Variants in DDX54 observed in about 807,000 individuals in gnomAD.
DDX54 encodes DEAD-box helicase 54.
A neutral mutation model predicts 105.5 loss-of-function variants in DDX54; 67 were observed. That is an observed-to-expected ratio of 0.64 (90% CI 0.52 to 0.78). The LOEUF (loss-of-function observed/expected upper bound fraction) is 0.78. Ranked by LOEUF, DDX54 falls within the 30% of genes least tolerant of loss-of-function variation. DDX54 has a pLI of 0.00. For synonymous variants in DDX54, 514 were observed against 509.9 expected (o/e 1.01, Z -0.11); for missense variants, 1,206 against 1,230.5 (o/e 0.98, Z 0.30).
In DDX54 at chr12:113,179,202, C is replaced by T. The variant is rs139285972; in HGVS notation, c.505G>A (p.Ala169Thr). ...TCTCGGGTCGGCGAGAGGATGAGGG[C>T]GCGGGCCCCGGTCTGGGCACTGTGG... ...KTHSAQTGAR[A>T]LILSPTRELA... Residue 169 changes from alanine (A) to threonine (T), a missense_variant, in exon 4 of 20, where the codon GCC becomes ACC. This residue lies in a region of DDX54 where 961 missense variants were observed against 1,019.1 expected (regional missense o/e 0.94). Coordinates refer to ENST00000306014, the MANE Select transcript of DDX54 (RefSeq NM_024072.4). The T allele has an allele frequency of 7.5e-5, 121 of 1,614,026 alleles. No homozygotes were observed. The African/African-American group carries it at 8.4e-4, about 11-fold the overall frequency.
Position 113,179,286 on chromosome 12 carries a change from G to C in DDX54, c.421C>G (p.Arg141Gly), listed in dbSNP as rs963481956. ...CAGGCTGTCTTGCCACTGCCCGTCC[G>C]GGCCATGGCCACCACGTCCTTGCCA... The part of the protein sequence containing the change: ...LDGKDVVAMA[R>G]TGSGKTACFL... The change falls in exon 4 of 20, where the codon CGG becomes GGG. Residue 141 changes from arginine to glycine, a missense_variant. Physicochemically the swap from Arg to Gly is moderately radical, Grantham distance 125. Around this residue, in one of 3 missense-constraint regions of DDX54, gnomAD observed 33 missense variants for 56.0 expected, o/e 0.59. Transcript: ENST00000306014. The C allele has an allele frequency of 1.2e-6, 2 of 1,613,942 alleles. No homozygotes were observed. The highest frequency in any genetic ancestry group is 1.7e-6 in the Non-Finnish European group (2 of 1,180,016).
rs1566090060 is a variant in DDX54, at chr12:113,157,548, G to A, written c.*1329C>T. The A allele has an allele frequency of 3.4e-6, 5 of 1,480,174 alleles. No homozygotes were observed. The highest frequency in any genetic ancestry group is 1.4e-5 in the African/African-American group (1 of 71,704). The allele number at this position is 1,480,174 out of a possible 1,614,324, so 91.7% of individuals were successfully genotyped here. On this transcript the variant is annotated 3_prime_UTR_variant, in exon 20 of 20. Transcript: ENST00000306014. ...GCCTCCCCCGCGTGTTGAGGGGTGG[G>A]GGCTGGACAGTGACTCTGGGGCTGG...
intron 3 of DDX54, among the ~76,000 whole-genome samples, chr12:113,179,591 GTCC>G (rs1242743283): frequency 6.6e-6 from 1 of 152,170 alleles, no homozygotes; most frequent in African/African-American, 2.4e-5. Context: ...CTCCCGTCTA[GTCC>G]TCCTCCTCAG....
At chr12:113,175,344 TG>T (rs2136322980) in intron 7 of DDX54, among the ~76,000 whole-genome samples, 187 bp from the exon 8 acceptor site, 1 of 152,338 alleles carries the variant, frequency 6.6e-6, no homozygotes, top group South Asian at 2.1e-4. Flanking sequence ...GAATCTGTCT[TG>T]GTCATGTTCT....
rs545127266 is a variant in DDX54, at chr12:113,163,562, C to G, written c.1939-288G>C. ...GGAGACCCAACTCCCCATTCCAGCTCCGCACCCCAGGCTATGTGACAGCCG... is the reference window on the plus strand; with the variant it reads ...GGAGACCCAACTCCCCATTCCAGCTGCGCACCCCAGGCTATGTGACAGCCG... On this transcript the variant is annotated intron_variant, in intron 15 of 19. Coordinates refer to ENST00000306014, the MANE Select transcript of DDX54 (RefSeq NM_024072.4). This position sits in a 1 kb window ranked among gnomAD's most constrained non-coding sequence, Gnocchi z 5.9. Among the ~76,000 whole-genome samples, 6 of 152,156 alleles carry G rather than the reference C, an allele frequency of 3.9e-5. No individual in the cohort carries two copies. The highest frequency in any genetic ancestry group is 7.3e-5 in the Non-Finnish European group (5 of 68,028).
chr12:113,179,814 C>T, intron 3 of DDX54, 121 bp downstream of exon 3: 2 of 1,203,218 alleles, frequency 1.7e-6, no homozygotes, highest in East Asian at 2.4e-5. Context: ...GCTGGGGCTT[C>T]AGCAGAGTAA....
chr12:113,185,460 C>G lies in DDX54; in HGVS notation c.-9G>C, dbSNP rs1382576814. 12 of 1,492,772 alleles carry G rather than the reference C, an allele frequency of 8.0e-6. No individual in the cohort carries two copies. The highest frequency in any genetic ancestry group is 1.1e-5 in the Non-Finnish European group (12 of 1,124,958). The allele number at this position is 1,492,772 out of a possible 1,614,324, so 92.5% of individuals were successfully genotyped here. A position where few individuals can be genotyped will look rare whatever the true frequency, so the allele number is the denominator to read the frequency against. On this transcript the variant is annotated 5_prime_UTR_variant, in exon 1 of 20. Coordinates refer to ENST00000306014, the MANE Select transcript of DDX54 (RefSeq NM_024072.4). ...CCCTTGTCGGCCGCCATTCGGGCCG[C>G]GCGCTGGGAACGCAGAAGGGGGCGT...
chr12:113,181,145 C>CT, intron 1 of DDX54, 87 bp from the exon 2 acceptor site: 1 of 1,456,484 alleles, frequency 6.9e-7, no homozygotes, highest in South Asian at 1.5e-5. Context: ...GTTGCCCTCT[C>CT]TCCCCCATTC....
At chr12:113,169,635 A>G (rs532698590) in intron 12 of DDX54, 135 bp downstream of exon 12, 16 of 1,193,418 alleles carry the variant, frequency 1.3e-5, no homozygotes, top group Admixed American at 2.8e-5. Context: ...AATAAACAAA[A>G]CAAATAAAAT....
intron 1 of DDX54, 79 bp from the exon 2 acceptor site, chr12:113,181,137 T>C: frequency 6.7e-7 from 1 of 1,494,026 alleles, no homozygotes; most frequent in Non-Finnish European, 8.9e-7. Context: ...CCTGTGCTGT[T>C]GCCCTCTCTC....
chr12:113,185,226 G>T, intron 1 of DDX54, 52 bp downstream of exon 1: 1 of 1,440,288 alleles, frequency 6.9e-7, no homozygotes. Flanking sequence ...TCGAGGCGCT[G>T]CCCGGAGCCG....
intron 5 of DDX54, chr12:113,177,307 T>A (rs1952415570): frequency 1.7e-6 from 1 of 575,140 alleles, no homozygotes; most frequent in East Asian, 2.8e-5. Flanking sequence ...AACAACAGAG[T>A]TCCTCTGAAG....
intron 12 of DDX54, among the ~76,000 whole-genome samples, chr12:113,166,504 C>T (rs1952278197): frequency 1.3e-5 from 2 of 152,044 alleles, no homozygotes; most frequent in African/African-American, 2.4e-5. Context: ...AATTGGAGAC[C>T]AGCCTGAGCA....
chr12:113,168,376 T>TG (rs1357349096), intron 12 of DDX54, among the ~76,000 whole-genome samples: 7 of 152,294 alleles, frequency 4.6e-5, no homozygotes, highest in East Asian at 1.9e-4. Flanking sequence ...CTTGGGCCTC[T>TG]GGGGGGGCCT....
chr12:113,179,880 G>C (rs1952445789), intron 3 of DDX54, 55 bp downstream of exon 3: 7 of 1,592,002 alleles, frequency 4.4e-6, no homozygotes, highest in Non-Finnish European at 5.2e-6. Context: ...GGGCCAGAGA[G>C]GAGGGCCATG....
intron 19 of DDX54, among the ~76,000 whole-genome samples, chr12:113,159,785 G>A (rs1952182431): frequency 6.6e-6 from 1 of 152,062 alleles, no homozygotes. Context: ...CCACAGGTGG[G>A]CATCAGGTAG....
At chr12:113,177,963 G>A (rs901687117) in intron 5 of DDX54, among the ~76,000 whole-genome samples, 4 of 152,224 alleles carry the variant, frequency 2.6e-5, no homozygotes, top group African/African-American at 4.8e-5. Flanking sequence ...ACAGCCAGGC[G>A]TGGTGGCTTA....
chr12:113,161,281 TCTCGCTTCCCACCTCTTCGCTCTGGGC>T lies in DDX54; in HGVS notation c.2375_2401del (p.Gly792_Arg800del), dbSNP rs958640084. 2 of 1,612,076 alleles carry T rather than the reference TCTCGCTTCCCACCTCTTCGCTCTGGGC, an allele frequency of 1.2e-6. No individual in the cohort carries two copies. The highest frequency in any genetic ancestry group is 2.7e-5 in the African/African-American group (2 of 75,008). Reference sequence around the variant, plus strand: ...ACCCTGGCTCTCACCTTGGCCACGGTCTCGCTTCCCACCTCTTCGCTCTGGGCCTCGCCGGTCAGATGCCCCTTCTTC... The same window carrying T: ...ACCCTGGCTCTCACCTTGGCCACGGTCTCGCCGGTCAGATGCCCCTTCTTC... On this transcript the variant is annotated inframe_deletion, in exon 19 of 20. Coordinates refer to ENST00000306014, the MANE Select transcript of DDX54 (RefSeq NM_024072.4).
intron 14 of DDX54, 104 bp from the exon 15 acceptor site, chr12:113,164,389 C>T: frequency 7.3e-7 from 1 of 1,370,588 alleles, no homozygotes; most frequent in Non-Finnish European, 9.7e-7. Flanking sequence ...AAGTCTTCCC[C>T]AGTGTCCATT....
Sources: gnomAD v4.1 joint callset for allele counts (sites outside exome capture counted in the v4.1 genomes callset) on GRCh38, gnomAD v4.1.1 for gene constraint, gnomAD v4.1.1 regional missense constraint, Gnocchi (gnomAD v3.1) non-coding constraint, MANE v1.5 for transcripts, NCBI Gene and HGNC (gene_info 2026-07-23, HGNC 2026-07-21) for gene names.